ANKRD13C: variants seen among roughly 807,000 people sequenced by gnomAD.
ANKRD13C encodes ankyrin repeat domain-containing protein 13C.
A neutral mutation model predicts 65.5 loss-of-function variants in ANKRD13C; 16 were observed. The ratio of observed to expected loss-of-function variants is 0.24; its 90% CI spans 0.17 to 0.37. The LOEUF is 0.37. Among genes scored for constraint, ANKRD13C ranks in the 10% least tolerant of loss-of-function variants. The pLI is 1.00. For missense variants in ANKRD13C, 503 were observed against 655.9 expected, an observed-to-expected ratio of 0.77 and a Z score of 2.55; for synonymous variants, 235 against 238.7, an observed-to-expected ratio of 0.98 and a Z score of 0.14.
At chr1:70,317,466 T>G (rs57627286) in intron 3 of ANKRD13C, among the ~76,000 whole-genome samples, 1 of 152,134 alleles carries the variant, frequency 6.6e-6, no homozygotes, top group African/African-American at 2.4e-5. Flanking sequence ...ATCTTTTTTT[T>G]AAAAATAAAA....
chr1:70,313,743 AC>A lies in ANKRD13C; in HGVS notation c.709+1del. On this transcript the variant is annotated splice_donor_variant, in intron 5 of 12. Coordinates refer to ENST00000370944, the MANE Select transcript of ANKRD13C (RefSeq NM_030816.5). LOFTEE classifies it high-confidence loss of function. ...TTATACTAAAACATAGCATACTCTT[AC>A]CCCAGCTTTGAAAATCCCAGTGAAG... 6.2e-7 allele frequency: 1 copy of A among 1,604,936 alleles called. No individual in the cohort carries two copies. Among genetic ancestry groups the A allele is most frequent in the Non-Finnish European group, 8.5e-7 (1 of 1,172,584 alleles).
intron 3 of ANKRD13C, 105 bp from the exon 4 acceptor site, chr1:70,315,671 G>C: frequency 2.5e-6 from 2 of 808,512 alleles, no homozygotes; most frequent in Non-Finnish European, 3.8e-6. Flanking sequence ...ACACATATAT[G>C]CACGTGCATG....
At chr1:70,352,001 A>G (rs1450482508) in intron 1 of ANKRD13C, among the ~76,000 whole-genome samples, 3 of 152,134 alleles carry the variant, frequency 2.0e-5, no homozygotes, top group East Asian at 3.9e-4. Flanking sequence ...AGAAACATCA[A>G]TGATATAAGG....
intron 1 of ANKRD13C, among the ~76,000 whole-genome samples, chr1:70,336,522 T>G (rs893537361): frequency 2.6e-5 from 4 of 152,058 alleles, no homozygotes; most frequent in Admixed American, 1.3e-4. Flanking sequence ...ATAATAATTA[T>G]TATTTATTAA....
At chr1:70,303,907 T>C (rs1680480443) in intron 6 of ANKRD13C, among the ~76,000 whole-genome samples, 1 of 152,208 alleles carries the variant, frequency 6.6e-6, no homozygotes, top group Admixed American at 6.5e-5. Flanking sequence ...CTTTAGAACC[T>C]ATCACATTTG....
At chr1:70,278,095 G>A (rs1343958928) in intron 9 of ANKRD13C, among the ~76,000 whole-genome samples, 4 of 151,740 alleles carry the variant, frequency 2.6e-5, no homozygotes, top group East Asian at 1.9e-4. Context: ...AAGCTGAGGC[G>A]GGAGGATCAC....
At chr1:70,326,561 G>T (rs1220724180) in intron 2 of ANKRD13C, among the ~76,000 whole-genome samples, 4 of 152,054 alleles carry the variant, frequency 2.6e-5, no homozygotes, top group African/African-American at 9.7e-5. Flanking sequence ...AAATATACTA[G>T]CAGGGAACTT....
At chr1:70,319,690 T>C (rs1375863084) in intron 3 of ANKRD13C, among the ~76,000 whole-genome samples, 5 of 151,514 alleles carry the variant, frequency 3.3e-5, no homozygotes, top group Non-Finnish European at 7.4e-5. Flanking sequence ...TTATACACAT[T>C]CCACTCTCGC....
chr1:70,310,586 T>C (rs759008732), intron 5 of ANKRD13C, among the ~76,000 whole-genome samples: 7 of 152,380 alleles, frequency 4.6e-5, no homozygotes, highest in Middle Eastern at 3.4e-3. Flanking sequence ...GTATTGTTTA[T>C]AACTATAGAT....
chr1:70,311,780 A>G (rs901176785), intron 5 of ANKRD13C, among the ~76,000 whole-genome samples: 2 of 152,214 alleles, frequency 1.3e-5, no homozygotes, highest in Non-Finnish European at 2.9e-5. Flanking sequence ...GTATTAAATA[A>G]CTTGTATTAG....
intron 5 of ANKRD13C, among the ~76,000 whole-genome samples, chr1:70,313,524 T>C (rs978346243): frequency 2.2e-4 from 31 of 143,952 alleles, no homozygotes; most frequent in South Asian, 1.5e-3. Flanking sequence ...TGAGAACTTG[T>C]CTCAAAAAAA....
At chr1:70,275,912 G>C (rs1327046494) in intron 10 of ANKRD13C, among the ~76,000 whole-genome samples, 1 of 133,792 alleles carries the variant, frequency 7.5e-6, no homozygotes, top group Non-Finnish European at 1.5e-5. Flanking sequence ...AGTGAGCTGA[G>C]ATCACGCCCA....
intron 9 of ANKRD13C, among the ~76,000 whole-genome samples, chr1:70,286,981 T>C (rs918614476): frequency 6.6e-6 from 1 of 151,624 alleles, no homozygotes; most frequent in African/African-American, 2.4e-5. Flanking sequence ...CGAGACTCTG[T>C]CTCCAAGAAA....
chr1:70,267,131 T>C (rs575827757), intron 12 of ANKRD13C, among the ~76,000 whole-genome samples: 1 of 152,228 alleles, frequency 6.6e-6, no homozygotes, highest in African/African-American at 2.4e-5. Context: ...ACATTTAGAA[T>C]GGTCACATCT....
intron 7 of ANKRD13C, among the ~76,000 whole-genome samples, chr1:70,299,776 C>T (rs933503160): frequency 2.0e-5 from 3 of 152,122 alleles, no homozygotes; most frequent in African/African-American, 4.8e-5. Context: ...TTTTGAGGTA[C>T]CTGGGAGACA....
At chr1:70,316,942 A>G (rs964706814) in intron 3 of ANKRD13C, among the ~76,000 whole-genome samples, 3 of 152,160 alleles carry the variant, frequency 2.0e-5, no homozygotes, top group African/African-American at 7.2e-5. Context: ...CTTTTTAAAA[A>G]TCAGTAAATT....
chr1:70,347,314 CT>C (rs1682574664), intron 1 of ANKRD13C, among the ~76,000 whole-genome samples: 1 of 152,040 alleles, frequency 6.6e-6, no homozygotes, highest in South Asian at 2.1e-4. Context: ...CCATCCAATT[CT>C]CTAGGAACTG....
At chr1:70,313,016 C>T (rs552513403) in intron 5 of ANKRD13C, among the ~76,000 whole-genome samples, 47 of 152,132 alleles carry the variant, frequency 3.1e-4, no homozygotes, top group African/African-American at 3.1e-4. Flanking sequence ...GGCAAAATAA[C>T]GGAAAGACAA....
intron 3 of ANKRD13C, among the ~76,000 whole-genome samples, chr1:70,317,159 TA>T (rs1558296270): frequency 3.3e-5 from 5 of 152,106 alleles, no homozygotes. Flanking sequence ...CAGGTCTAAC[TA>T]AATTCCAATA....
Sources: allele counts gnomAD v4.1 joint callset (sites outside exome capture counted in the v4.1 genomes callset), GRCh38; gene constraint gnomAD v4.1.1; transcripts MANE v1.5; gene names NCBI Gene and HGNC (gene_info 2026-07-23, HGNC 2026-07-21).